Variants in PRELID2 observed in about 807,000 individuals in gnomAD.
PRELID2 encodes PRELI domain containing 2.
PRELID2 carries 25 observed loss-of-function variants against 28.4 expected under a neutral mutation model. The ratio of observed to expected loss-of-function variants is 0.88; its 90% CI spans 0.64 to 1.23. The LOEUF is 1.23. Among genes scored for constraint, PRELID2 ranks in the 50% most tolerant of loss-of-function variants. PRELID2 has a pLI of 0.00. For synonymous variants in PRELID2, 76 were observed against 71.6 expected (o/e 1.06, Z -0.31); for missense variants, 201 against 214.4 (o/e 0.94, Z 0.39).
chr5:145,580,329 A>T (rs1291498396), intron 1 of PRELID2, among the ~76,000 whole-genome samples: 1 of 152,078 alleles, frequency 6.6e-6, no homozygotes, highest in Admixed American at 6.6e-5. Context: ...TTAATATTCA[A>T]CTGGTTTATT....
At chr5:145,495,414 C>T (rs1752301993) in intron 1 of PRELID2, among the ~76,000 whole-genome samples, 2 of 152,184 alleles carry the variant, frequency 1.3e-5, no homozygotes, top group African/African-American at 4.8e-5. Flanking sequence ...TCAATCCAAG[C>T]TTTCTTCCAA....
intron 1 of PRELID2, among the ~76,000 whole-genome samples, chr5:145,669,758 C>T (rs1754668971): frequency 6.6e-6 from 1 of 152,076 alleles, no homozygotes; most frequent in Admixed American, 6.6e-5. Context: ...TCTTTCACAC[C>T]ATCCTCTCAT....
intron 1 of PRELID2, among the ~76,000 whole-genome samples, chr5:145,542,488 C>T (rs1043076737): frequency 1.3e-5 from 2 of 152,088 alleles, no homozygotes; most frequent in African/African-American, 2.4e-5. Flanking sequence ...TTTACCCCAA[C>T]ATTGCGCTCA....
the PRELID2 span, among the ~76,000 whole-genome samples, chr5:145,399,844 G>A: frequency 1.3e-5 from 2 of 152,152 alleles, no homozygotes; most frequent in African/African-American, 4.8e-5. Context: ...CAAAGAGAGA[G>A]AGATTGTTCA....
chr5:145,430,261 A>G, the PRELID2 span, among the ~76,000 whole-genome samples: 2 of 152,136 alleles, frequency 1.3e-5, no homozygotes. Context: ...CTGACACCCT[A>G]CAGCATTTAA....
At chr5:145,617,633 ACTTATTT>A (rs1753717262) in intron 1 of PRELID2, among the ~76,000 whole-genome samples, 1 of 151,606 alleles carries the variant, frequency 6.6e-6, no homozygotes, top group Non-Finnish European at 1.5e-5. Context: ...TCTTTCTTCT[ACTTATTT>A]AATTCTATCG....
intron 1 of PRELID2, among the ~76,000 whole-genome samples, chr5:145,564,882 C>T (rs1752952782): frequency 6.6e-6 from 1 of 152,178 alleles, no homozygotes; most frequent in African/African-American, 2.4e-5. Flanking sequence ...TTATGGCGTC[C>T]CTTGGCTAGA....
chr5:145,651,679 C>A (rs1754300352), intron 1 of PRELID2, among the ~76,000 whole-genome samples: 1 of 152,218 alleles, frequency 6.6e-6, no homozygotes, highest in African/African-American at 2.4e-5. Flanking sequence ...CTCCAACAGA[C>A]CTGCAGCTGA....
the PRELID2 span, among the ~76,000 whole-genome samples, chr5:145,256,318 T>A: frequency 1.2e-4 from 18 of 152,152 alleles, no homozygotes; most frequent in Middle Eastern, 3.4e-3. Context: ...ATTTATTATT[T>A]TTTTTAAATC....
At chr5:145,563,953 G>T (rs1393060724) in intron 1 of PRELID2, among the ~76,000 whole-genome samples, 1 of 152,180 alleles carries the variant, frequency 6.6e-6, no homozygotes, top group South Asian at 2.1e-4. Flanking sequence ...ACTATAAGAA[G>T]AGATGGATAT....
the PRELID2 span, among the ~76,000 whole-genome samples, chr5:145,453,944 C>T: frequency 6.6e-6 from 1 of 152,060 alleles, no homozygotes; most frequent in African/African-American, 2.4e-5. Flanking sequence ...TATGTCTTTA[C>T]AGTAGAATGA....
chr5:145,814,104 T>C (rs1754135050), intron 4 of PRELID2, among the ~76,000 whole-genome samples: 1 of 152,228 alleles, frequency 6.6e-6, no homozygotes, highest in African/African-American at 2.4e-5. Flanking sequence ...TTATTGTTTC[T>C]AGAATCAGAA....
intron 1 of PRELID2, among the ~76,000 whole-genome samples, chr5:145,551,742 G>C (rs894843045): frequency 6.6e-6 from 1 of 152,172 alleles, no homozygotes; most frequent in African/African-American, 2.4e-5. Context: ...TTAATAAAGA[G>C]ACTCTTTACA....
At chr5:145,310,821 A>G in the PRELID2 span, among the ~76,000 whole-genome samples, 1 of 152,098 alleles carries the variant, frequency 6.6e-6, no homozygotes. Context: ...AATTAAGAAA[A>G]AAGGCAGACA....
intron 1 of PRELID2, among the ~76,000 whole-genome samples, chr5:145,691,899 T>C (rs770755453): frequency 8.5e-5 from 13 of 152,144 alleles, no homozygotes; most frequent in African/African-American, 1.9e-4. Flanking sequence ...CTGAATACCC[T>C]GAATACTCCA....
At chr5:145,720,910 G>A (rs951230981) in intron 1 of PRELID2, among the ~76,000 whole-genome samples, 1 of 151,916 alleles carries the variant, frequency 6.6e-6, no homozygotes, top group Non-Finnish European at 1.5e-5. Context: ...GCTTTTTGAG[G>A]ACCTCAGAAA....
intron 1 of PRELID2, among the ~76,000 whole-genome samples, chr5:145,609,229 G>A (rs957656800): frequency 3.3e-5 from 5 of 152,054 alleles, no homozygotes; most frequent in South Asian, 2.1e-4. Context: ...GATGATCTTC[G>A]TTCTTATCCA....
intron 1 of PRELID2, among the ~76,000 whole-genome samples, chr5:145,692,362 G>A (rs1364253534): frequency 6.9e-6 from 1 of 145,364 alleles, no homozygotes; most frequent in Non-Finnish European, 1.5e-5. Context: ...GTACATGGAG[G>A]TACACACACA....
intron 1 of PRELID2, among the ~76,000 whole-genome samples, chr5:145,669,103 T>G (rs1488926263): frequency 6.6e-6 from 1 of 152,144 alleles, no homozygotes; most frequent in Non-Finnish European, 1.5e-5. Flanking sequence ...TAGCCATTCC[T>G]AAACCAATTA....
Sources: allele counts gnomAD v4.1 joint callset (sites outside exome capture counted in the v4.1 genomes callset), GRCh38; gene constraint gnomAD v4.1.1; transcripts MANE v1.5; gene names NCBI Gene and HGNC (gene_info 2026-07-23, HGNC 2026-07-21).